The following PLPPR1 variants were observed in gnomAD, a reference collection of about 807,000 sequenced individuals.
PLPPR1 encodes phospholipid phosphatase-related protein type 1.
In PLPPR1, 10 loss-of-function variants were observed where a neutral mutation model predicts 33.1. The observed-to-expected ratio is 0.30, with a 90% CI of 0.19 to 0.51. The LOEUF is 0.51. Among genes scored for constraint, PLPPR1 ranks in the 20% least tolerant of loss-of-function variants. PLPPR1 has a pLI of 0.97. For synonymous variants in PLPPR1, 151 were observed against 151.0 expected, an observed-to-expected ratio of 1.00 and a Z score of 0.00; for missense variants, 304 against 408.1, an observed-to-expected ratio of 0.74 and a Z score of 2.20.
Position 101,030,802 on chromosome 9 carries a change from C to T in PLPPR1, c.-46+1700C>T, listed in dbSNP as rs975297833. Among the ~76,000 whole-genome samples, 6 of 151,678 alleles carry T rather than the reference C, an allele frequency of 4.0e-5. No homozygotes were observed. The East Asian group carries it at 1.2e-3, about 30-fold the overall frequency. ...GTCTCTCTGCTGCTTGGGATGGGGA[C>T]CTTTTTATCTTTAACATTTTGTGAC... is the stretch of plus-strand genomic sequence containing the variant. On this transcript the variant is annotated intron_variant, in intron 1 of 7. Coordinates refer to ENST00000374874, the MANE Select transcript of PLPPR1 (RefSeq NM_207299.2).
intron 1 of PLPPR1, among the ~76,000 whole-genome samples, chr9:101,073,060 C>T (rs1830498980): frequency 6.6e-6 from 1 of 152,120 alleles, no homozygotes; most frequent in African/African-American, 2.4e-5. Context: ...AAGGTAGCTA[C>T]TATTATTATG....
intron 1 of PLPPR1, among the ~76,000 whole-genome samples, chr9:101,038,180 T>A (rs1466131053): frequency 6.6e-6 from 1 of 152,142 alleles, no homozygotes; most frequent in East Asian, 1.9e-4. Flanking sequence ...CTATTTACTT[T>A]TAGCTATAAT....
At chr9:101,169,378 G>A (rs927397335) in intron 1 of PLPPR1, among the ~76,000 whole-genome samples, 1 of 151,980 alleles carries the variant, frequency 6.6e-6, no homozygotes. Flanking sequence ...AAAAATAGAG[G>A]TAAACAATAA....
intron 1 of PLPPR1, among the ~76,000 whole-genome samples, chr9:101,082,717 A>G (rs1206598749): frequency 6.6e-6 from 1 of 152,170 alleles, no homozygotes; most frequent in Non-Finnish European, 1.5e-5. Flanking sequence ...TTCCAGTCCC[A>G]TGTGTTATTC....
At chr9:101,158,026 AAAATAAAAT>A (rs1362533466) in intron 1 of PLPPR1, among the ~76,000 whole-genome samples, 6 of 152,090 alleles carry the variant, frequency 3.9e-5, no homozygotes, top group African/African-American at 1.4e-4. Flanking sequence ...AAGTGAATAA[AAAATAAAAT>A]AAATAAAAAA....
chr9:101,242,271 G>A (rs148033968), intron 2 of PLPPR1, among the ~76,000 whole-genome samples: 22 of 150,310 alleles, frequency 1.5e-4, no homozygotes, highest in South Asian at 1.3e-3. Flanking sequence ...ATATAGTCTC[G>A]GAAATCTTGC....
At chr9:101,100,286 G>T (rs1312687973) in intron 1 of PLPPR1, among the ~76,000 whole-genome samples, 1 of 152,072 alleles carries the variant, frequency 6.6e-6, no homozygotes, top group East Asian at 1.9e-4. Context: ...GGGTGGCAGT[G>T]ATTATTTTGC....
chr9:101,137,136 T>C (rs1831387038), intron 1 of PLPPR1, among the ~76,000 whole-genome samples: 1 of 152,086 alleles, frequency 6.6e-6, no homozygotes, highest in Non-Finnish European at 1.5e-5. Flanking sequence ...CCCATAAAAA[T>C]TAAAAATGAA....
chr9:101,208,536 C>G (rs1459917837), intron 2 of PLPPR1, among the ~76,000 whole-genome samples: 1 of 152,168 alleles, frequency 6.6e-6, no homozygotes, highest in African/African-American at 2.4e-5. Flanking sequence ...TCATTTGTTC[C>G]AAGTGGCTAA....
intron 2 of PLPPR1, among the ~76,000 whole-genome samples, chr9:101,194,613 T>C (rs2118734348): frequency 6.6e-6 from 1 of 152,176 alleles, no homozygotes; most frequent in South Asian, 2.1e-4. Context: ...TAGCCAGGCA[T>C]GGTGGTGCAC....
chr9:101,179,861 C>T (rs527412747), intron 1 of PLPPR1, among the ~76,000 whole-genome samples: 9 of 151,760 alleles, frequency 5.9e-5, no homozygotes, highest in Admixed American at 3.3e-4. Context: ...GGATGGGCAC[C>T]ATCTAATCAG....
intron 1 of PLPPR1, among the ~76,000 whole-genome samples, chr9:101,045,854 G>T (rs188703140): frequency 3.9e-5 from 6 of 152,240 alleles, no homozygotes; most frequent in African/African-American, 1.4e-4. Flanking sequence ...TATGATTGTT[G>T]TAAGGAGCAT....
intron 1 of PLPPR1, among the ~76,000 whole-genome samples, chr9:101,117,171 C>T (rs561782357): frequency 1.1e-4 from 17 of 152,184 alleles, no homozygotes; most frequent in Middle Eastern, 3.4e-3. Context: ...TAAAATGAGG[C>T]TGAGACCTAC....
intron 1 of PLPPR1, among the ~76,000 whole-genome samples, chr9:101,101,924 C>A (rs1310690512): frequency 6.6e-6 from 1 of 152,044 alleles, no homozygotes; most frequent in Non-Finnish European, 1.5e-5. Flanking sequence ...AGAGTACTTG[C>A]AAATACAAGT....
At position 101,317,373 on chromosome 9, in the gene PLPPR1, TG is replaced by T; in HGVS notation, c.823del (p.Val275TrpfsTer25). On this transcript the variant is annotated frameshift_variant, in exon 7 of 8. Coordinates refer to ENST00000374874, the MANE Select transcript of PLPPR1 (RefSeq NM_207299.2). LOFTEE classifies it high-confidence loss of function. ...TCCCCCTCATCCTGCAGGGAATGTG[TG>T]TGGTTCATAACTTTAAAGGAACGCA... ...TAVALFLGMC[V>X]VHNFKGTQGS... is the part of the protein sequence containing the mutation. 1 of 1,613,784 alleles carries T rather than the reference TG, an allele frequency of 6.2e-7. No individual in the cohort carries two copies.
intron 1 of PLPPR1, among the ~76,000 whole-genome samples, chr9:101,121,521 T>C (rs1439268476): frequency 6.6e-6 from 1 of 152,220 alleles, no homozygotes; most frequent in Non-Finnish European, 1.5e-5. Flanking sequence ...AGTATTACCA[T>C]GCATTTTAGT....
chr9:101,164,162 G>A (rs2118676906), intron 1 of PLPPR1, among the ~76,000 whole-genome samples: 2 of 152,168 alleles, frequency 1.3e-5, no homozygotes, highest in South Asian at 4.2e-4. Flanking sequence ...TGGTGACTAA[G>A]TGTTCAAACT....
Position 101,148,819 on chromosome 9 carries a change from G to T in PLPPR1, c.-45-36631G>T, listed in dbSNP as rs538903849. The stretch of plus-strand genomic sequence containing the variant: ...CCAATCCAGTGTTCCCTATTCCAGG[G>T]CATATTTAGAATTTTTCCCATTTCT... On this transcript the variant is annotated intron_variant, in intron 1 of 7. Coordinates refer to ENST00000374874, the MANE Select transcript of PLPPR1 (RefSeq NM_207299.2). Among the ~76,000 whole-genome samples the T allele has an allele frequency of 7.2e-5, 11 of 151,908 alleles. No individual in the cohort carries two copies. The East Asian group carries it at 2.1e-3, about 29-fold the overall frequency.
chr9:101,114,869 A>G (rs1212343380), intron 1 of PLPPR1, among the ~76,000 whole-genome samples: 1 of 152,190 alleles, frequency 6.6e-6, no homozygotes, highest in African/African-American at 2.4e-5. Flanking sequence ...GTAGACATGC[A>G]TCTCTATAAA....
Sources: gnomAD v4.1 joint callset for allele counts (sites outside exome capture counted in the v4.1 genomes callset) on GRCh38, gnomAD v4.1.1 for gene constraint, MANE v1.5 for transcripts, NCBI Gene and HGNC (gene_info 2026-07-23, HGNC 2026-07-21) for gene names.